Variants in ATL2 observed in about 807,000 individuals in gnomAD.
ATL2 encodes atlastin-2.
A neutral mutation model predicts 73.9 loss-of-function variants in ATL2; 31 were observed. The ratio of observed to expected loss-of-function variants is 0.42; its 90% CI spans 0.32 to 0.57. ATL2 has a LOEUF of 0.57. ATL2 is among the 20% of genes least tolerant of loss of function. The pLI, the probability that ATL2 is intolerant of heterozygous loss-of-function variation, is 0.14. For missense variants in ATL2, 738 were observed against 702.6 expected, an observed-to-expected ratio of 1.05 and a Z score of -0.57; for synonymous variants, 291 against 237.5, an observed-to-expected ratio of 1.23 and a Z score of -2.07.
intron 9 of ATL2, among the ~76,000 whole-genome samples, chr2:38,308,833 A>G (rs551324902): frequency 2.0e-5 from 3 of 152,248 alleles, no homozygotes; most frequent in South Asian, 2.1e-4. Context: ...CAAGTATCCA[A>G]TAAGTGAACA....
rs375004292 is a variant in ATL2 at position 38,357,691 on chromosome 2, T to C, written c.119-14179A>G. On this transcript the variant is annotated intron_variant, in intron 1 of 12. Transcript: ENST00000378954. ...AAAAAAACCTCTAGAGATACTTTTT[T>C]ATATTGGGGAGGAAAAGCATTTTCC... 2.8e-4 allele frequency among the ~76,000 whole-genome samples: 42 copies of C among 151,896 alleles called. No individual in the cohort carries two copies. The East Asian group carries it at 7.3e-3, about 27-fold the overall frequency.
At chr2:38,342,928 T>C (rs1227012090) in intron 2 of ATL2, among the ~76,000 whole-genome samples, 1 of 149,438 alleles carries the variant, frequency 6.7e-6, no homozygotes, top group Non-Finnish European at 1.5e-5. Flanking sequence ...GAATTAAAAA[T>C]GCAGTTCTGT....
chr2:38,372,111 T>C lies in ATL2; in HGVS notation c.118+5032A>G, dbSNP rs186052019. 1.4e-3 allele frequency among the ~76,000 whole-genome samples: 197 copies of C among 145,014 alleles called. 2 individuals carry two copies. The highest frequency in any genetic ancestry group is 5.6e-4 in the Non-Finnish European group (38 of 67,546). ...TTATGAGATTCACTGTTAGTATGGT[T>C]TCATGTTAATTGTTTTTTTTTTTTT... On this transcript the variant is annotated intron_variant, in intron 1 of 12. Coordinates refer to ENST00000378954, the MANE Select transcript of ATL2 (RefSeq NM_001135673.4).
rs747278093 is a variant in ATL2 at position 38,329,899 on chromosome 2, C to T, written c.364-10880G>A. Among the ~76,000 whole-genome samples, 78 of 152,090 alleles carry T rather than the reference C, an allele frequency of 5.1e-4. 2 individuals carry two copies. Among genetic ancestry groups the T allele is most frequent in the Non-Finnish European group, 3.5e-4 (24 of 67,964 alleles). On this transcript the variant is annotated intron_variant, in intron 2 of 12. Transcript: ENST00000378954. ...ATCCCAACACTTTGGGAGGCCAAGT[C>T]GGGCAGAATACCTGAGGTCAGGAGT...
At chr2:38,359,963 A>G (rs955336709) in intron 1 of ATL2, among the ~76,000 whole-genome samples, 1 of 151,926 alleles carries the variant, frequency 6.6e-6, no homozygotes, top group African/African-American at 2.4e-5. Flanking sequence ...CCCCGTCTCT[A>G]CTAAAAATAC....
intron 1 of ATL2, among the ~76,000 whole-genome samples, chr2:38,363,499 C>CA (rs1268488628): frequency 1.3e-5 from 2 of 151,994 alleles, no homozygotes; most frequent in Non-Finnish European, 2.9e-5. Flanking sequence ...ATTTGGGGAA[C>CA]AATTTTTTCT....
chr2:38,363,267 T>C, intron 1 of ATL2, among the ~76,000 whole-genome samples: 1 of 151,804 alleles, frequency 6.6e-6, no homozygotes, highest in Non-Finnish European at 1.5e-5. Flanking sequence ...TATTATCAAA[T>C]GAGCATGTCT....
chr2:38,308,647 A>T (rs2148417491), intron 9 of ATL2, among the ~76,000 whole-genome samples: 1 of 152,196 alleles, frequency 6.6e-6, no homozygotes, highest in South Asian at 2.1e-4. Context: ...GCTTGAGGTG[A>T]TGGACACCCT....
chr2:38,318,004 C>A (rs1668116692), intron 4 of ATL2, among the ~76,000 whole-genome samples: 1 of 152,018 alleles, frequency 6.6e-6, no homozygotes, highest in African/African-American at 2.4e-5. Flanking sequence ...AATCAAAAGG[C>A]ATTTTGCCAG....
At chr2:38,356,754 A>C (rs1670692536) in intron 1 of ATL2, among the ~76,000 whole-genome samples, 1 of 152,200 alleles carries the variant, frequency 6.6e-6, no homozygotes. Flanking sequence ...AAAACTGAAA[A>C]TTAAGTTCTT....
intron 2 of ATL2, among the ~76,000 whole-genome samples, chr2:38,339,762 C>T (rs1416511773): frequency 6.6e-6 from 1 of 152,126 alleles, no homozygotes; most frequent in East Asian, 1.9e-4. Flanking sequence ...ACAATCTCGG[C>T]TCACTGCAAC....
chr2:38,370,448 CAAAAAAAAAAAAAAAAAAAAA>C (rs55964015), intron 1 of ATL2, among the ~76,000 whole-genome samples: 5 of 55,188 alleles, frequency 9.1e-5, no homozygotes, highest in South Asian at 9.5e-4. Flanking sequence ...GACTCTGTCC[CAAAAAAAAAAAAAAAAAAAAA>C]AAAAAAAAAA....
rs1333487966 is a variant in ATL2 at position 38,294,563 on chromosome 2, A to G, written c.*1431T>C. 1.3e-5 allele frequency among the ~76,000 whole-genome samples: 2 copies of G among 152,120 alleles called. No homozygotes were observed. Among genetic ancestry groups the G allele is most frequent in the African/African-American group, 4.8e-5 (2 of 41,430 alleles). On this transcript the variant is annotated 3_prime_UTR_variant, in exon 13 of 13. Coordinates refer to ENST00000378954, the MANE Select transcript of ATL2 (RefSeq NM_001135673.4). ...ACTCCGTCTCAAAAAAGAAACAAAC[A>G]AAACTAGGTACTTTAATCGGTGTTC...
At chr2:38,330,546 A>T (rs1668927896) in intron 2 of ATL2, among the ~76,000 whole-genome samples, 1 of 152,206 alleles carries the variant, frequency 6.6e-6, no homozygotes, top group Non-Finnish European at 1.5e-5. Context: ...ACTAATGAAC[A>T]AATTCAATTT....
At chr2:38,376,397 A>T in intron 1 of ATL2, 1 of 482,356 alleles carries the variant, frequency 2.1e-6, no homozygotes, top group East Asian at 3.2e-5. Flanking sequence ...TTCACACTAC[A>T]GACACTTTCA....
rs553225872 is a variant in ATL2 at position 38,338,556 on chromosome 2, A to C, written c.363+4712T>G. Reference sequence around the variant, plus strand: ...GGATGGAATGAATAAATAAATAAATAGGGAGAAGATACACCTCTTCCCAAC... The same window carrying C: ...GGATGGAATGAATAAATAAATAAATCGGGAGAAGATACACCTCTTCCCAAC... On this transcript the variant is annotated intron_variant, in intron 2 of 12. Transcript: ENST00000378954. 2.0e-5 allele frequency among the ~76,000 whole-genome samples: 3 copies of C among 152,122 alleles called. No individual in the cohort carries two copies. The East Asian group carries it at 5.8e-4, about 29-fold the overall frequency.
intron 4 of ATL2, among the ~76,000 whole-genome samples, chr2:38,315,952 G>T (rs949266134): frequency 4.6e-5 from 7 of 152,094 alleles, no homozygotes; most frequent in Non-Finnish European, 7.4e-5. Context: ...AGAATTTTTT[G>T]GAGGAGACTA....
At chr2:38,364,973 G>C (rs1671226271) in intron 1 of ATL2, among the ~76,000 whole-genome samples, 1 of 151,934 alleles carries the variant, frequency 6.6e-6, no homozygotes, top group African/African-American at 2.4e-5. Flanking sequence ...GAACCCGGGA[G>C]GCGGAGCTTG....
intron 1 of ATL2, among the ~76,000 whole-genome samples, chr2:38,368,012 G>A (rs1454858497): frequency 9.4e-5 from 14 of 149,636 alleles, no homozygotes; most frequent in African/African-American, 3.2e-4. Flanking sequence ...TCGGCTCACT[G>A]CAAGCTCCAC....
Sources: gnomAD v4.1 joint callset for allele counts (sites outside exome capture counted in the v4.1 genomes callset) on GRCh38, gnomAD v4.1.1 for gene constraint, MANE v1.5 for transcripts, NCBI Gene and HGNC (gene_info 2026-07-23, HGNC 2026-07-21) for gene names.